The following HSCB variants were observed in gnomAD, a reference collection of about 807,000 sequenced individuals.
HSCB encodes iron-sulfur cluster co-chaperone protein HscB.
In HSCB, 23 loss-of-function variants were observed where a neutral mutation model predicts 31.3. That is an observed-to-expected ratio of 0.74 (90% CI 0.53 to 1.04). The LOEUF (loss-of-function observed/expected upper bound fraction) is 1.04. Among genes scored for constraint, HSCB ranks in the 50% least tolerant of loss-of-function variants. The pLI, the probability that HSCB is intolerant of heterozygous loss-of-function variation, is 0.00. For synonymous variants in HSCB, 110 were observed against 104.5 expected (o/e 1.05, Z -0.32); for missense variants, 297 against 288.1 (o/e 1.03, Z -0.22).
In HSCB at chr22:28,750,945, C is replaced by CTTTTTTTTTTTTTTT. The variant is rs758451182; in HGVS notation, c.569-286_569-272dup. On this transcript the variant is annotated intron_variant, in intron 4 of 5. Transcript: ENST00000216027. ...GGAGATAATCAAAGTATATCTTTGT[C>CTTTTTTTTTTTTTTT]TTTTTTTTTTTTTTTTTTTTTTTTA... Among the ~76,000 whole-genome samples, 64 of 56,448 alleles carry CTTTTTTTTTTTTTTT rather than the reference C, an allele frequency of 1.1e-3. 5 individuals are homozygous for CTTTTTTTTTTTTTTT. Among genetic ancestry groups the CTTTTTTTTTTTTTTT allele is most frequent in the Middle Eastern group, 0.016 (1 of 64 alleles). The allele number at this position is 56,448 out of a possible 152,430, so 37.0% of individuals were successfully genotyped here. A position where few individuals can be genotyped will look rare whatever the true frequency, so the allele number is the denominator to read the frequency against.
intron 1 of HSCB, 80 bp downstream of exon 1, chr22:28,742,411 G>C: frequency 6.4e-7 from 1 of 1,553,802 alleles, no homozygotes; most frequent in Non-Finnish European, 8.7e-7. Flanking sequence ...GGACGGATCT[G>C]GCTGGCGGAA....
At chr22:28,749,764 G>A (rs920968417) in intron 4 of HSCB, among the ~76,000 whole-genome samples, 1 of 152,112 alleles carries the variant, frequency 6.6e-6, no homozygotes, top group African/African-American at 2.4e-5. Context: ...TGCAGTCAGT[G>A]GGCTCAGCTG....
intron 4 of HSCB, among the ~76,000 whole-genome samples, chr22:28,747,888 A>G (rs893879373): frequency 1.3e-5 from 2 of 148,952 alleles, no homozygotes; most frequent in African/African-American, 4.9e-5. Context: ...CCCCCCAAAA[A>G]AATCTGTTCC....
Position 28,742,198 on chromosome 22 carries a change from G to A in HSCB, c.103G>A (p.Gly35Arg), listed in dbSNP as rs2054576753. ...PLSCDAASQA[G>R]SNYPRCWNCG... is the part of the protein sequence containing the mutation. ...AAGCTGCGATGCTGCGTCGCAGGCG[G>A]GAAGCAATTATCCCCGCTGTTGGAA... The change falls in exon 1 of 6, where the codon GGA becomes AGA. Residue 35 changes from glycine to arginine, a missense_variant. Physicochemically the swap from Gly to Arg is moderately radical, Grantham distance 125. Transcript: ENST00000216027. The A allele has an allele frequency of 1.2e-6, 2 of 1,613,808 alleles. No individual in the cohort carries two copies. Among genetic ancestry groups the A allele is most frequent in the South Asian group, 2.2e-5 (2 of 91,046 alleles).
At chr22:28,756,383 G>T (rs117294687) in intron 5 of HSCB, among the ~76,000 whole-genome samples, 20 of 151,934 alleles carry the variant, frequency 1.3e-4, no homozygotes, top group Non-Finnish European at 2.6e-4. Flanking sequence ...TCAGCACCTG[G>T]CATAGAGGAA....
chr22:28,743,324 C>G (rs1774644177), intron 1 of HSCB, among the ~76,000 whole-genome samples: 1 of 152,052 alleles, frequency 6.6e-6, no homozygotes, highest in South Asian at 2.1e-4. Context: ...GATCAGAGAT[C>G]TAGGATGATC....
chr22:28,746,518 C>T (rs988891508), intron 4 of HSCB, among the ~76,000 whole-genome samples: 1 of 151,678 alleles, frequency 6.6e-6, no homozygotes, highest in African/African-American at 2.4e-5. Context: ...TTTGAGAGGC[C>T]GAGGAAGGCA....
chr22:28,751,613 C>T (rs913780775), intron 5 of HSCB, among the ~76,000 whole-genome samples: 40 of 151,958 alleles, frequency 2.6e-4, no homozygotes, highest in African/African-American at 9.2e-4. Context: ...GGTGTGGTGG[C>T]ACAACGCCTG....
At chr22:28,754,099 C>T (rs1312028726) in intron 5 of HSCB, among the ~76,000 whole-genome samples, 1 of 151,726 alleles carries the variant, frequency 6.6e-6, no homozygotes, top group Non-Finnish European at 1.5e-5. Context: ...TGTCACTGCA[C>T]TCCTGACGGC....
intron 5 of HSCB, among the ~76,000 whole-genome samples, chr22:28,751,745 C>CAAA: frequency 9.5e-6 from 1 of 104,814 alleles, no homozygotes; most frequent in Admixed American, 1.0e-4. Context: ...GACTCCATCT[C>CAAA]AAAAAAAAAA....
intron 3 of HSCB, 125 bp downstream of exon 3, chr22:28,744,829 T>A: frequency 2.6e-6 from 2 of 754,966 alleles, no homozygotes; most frequent in South Asian, 3.1e-5. Context: ...ACACCTGTAA[T>A]CCCAGAACTT....
chr22:28,757,300 C>G lies in HSCB; in HGVS notation c.*131C>G. 1.9e-6 allele frequency: 1 copy of G among 520,304 alleles called. No individual in the cohort carries two copies. Among genetic ancestry groups the G allele is most frequent in the Non-Finnish European group, 3.6e-6 (1 of 276,720 alleles). 32.2% of individuals were successfully genotyped at this position (520,304 alleles called of 1,614,324 possible). On this transcript the variant is annotated 3_prime_UTR_variant, in exon 6 of 6. Coordinates refer to ENST00000216027, the MANE Select transcript of HSCB (RefSeq NM_172002.5). ...AGGAGTTCAAGACCAGCTTGGCCAA[C>G]ATAGTGAAACCCCGTCTCTGCTGAA...
At chr22:28,747,434 G>C (rs1180361251) in intron 4 of HSCB, among the ~76,000 whole-genome samples, 1 of 152,050 alleles carries the variant, frequency 6.6e-6, no homozygotes, top group Non-Finnish European at 1.5e-5. Flanking sequence ...TTGGATAGCT[G>C]GGACTACAGG....
chr22:28,749,564 C>G (rs1037259711), intron 4 of HSCB, among the ~76,000 whole-genome samples: 15 of 152,176 alleles, frequency 9.9e-5, no homozygotes, highest in Non-Finnish European at 1.8e-4. Flanking sequence ...CTTTTTGCTT[C>G]CCTCACATCC....
intron 4 of HSCB, among the ~76,000 whole-genome samples, chr22:28,747,005 A>C (rs974017349): frequency 6.6e-6 from 1 of 152,012 alleles, no homozygotes; most frequent in African/African-American, 2.4e-5. Flanking sequence ...CAGAGGTTGC[A>C]GTGAGCTGAG....
intron 4 of HSCB, among the ~76,000 whole-genome samples, chr22:28,750,055 C>T (rs1209954880): frequency 2.6e-5 from 4 of 151,628 alleles, no homozygotes; most frequent in Admixed American, 6.6e-5. Context: ...TTCAAGACCA[C>T]CCTGACCAAC....
chr22:28,754,810 T>G (rs1378541094), intron 5 of HSCB, among the ~76,000 whole-genome samples: 1 of 151,894 alleles, frequency 6.6e-6, no homozygotes, highest in Non-Finnish European at 1.5e-5. Context: ...TTTTTTTTTT[T>G]TTTGAGACTG....
At chr22:28,749,865 C>T (rs1366725076) in intron 4 of HSCB, among the ~76,000 whole-genome samples, 1 of 152,088 alleles carries the variant, frequency 6.6e-6, no homozygotes, top group African/African-American at 2.4e-5. Flanking sequence ...GACTTCATTC[C>T]TCTGAGCCTC....
At position 28,743,820 on chromosome 22, in the gene HSCB, C is replaced by T. The variant is rs894858869; in HGVS notation, c.237-62C>T. 2.2e-6 allele frequency: 3 copies of T among 1,392,906 alleles called. No individual in the cohort carries two copies. In the African/African-American group the frequency reaches 4.3e-5, roughly 20 times the overall value. The allele number at this position is 1,392,906 out of a possible 1,614,324, so 86.3% of individuals were successfully genotyped here. The stretch of plus-strand genomic sequence containing the variant: ...CTTCCCCATAAGAGCAAGAACCAGG[C>T]TCATGGTAGATAAACCTTTAAATAT... On this transcript the variant is annotated intron_variant, in intron 1 of 5. Coordinates refer to ENST00000216027, the MANE Select transcript of HSCB (RefSeq NM_172002.5).
Sources: gnomAD v4.1 joint callset for allele counts (sites outside exome capture counted in the v4.1 genomes callset) on GRCh38, gnomAD v4.1.1 for gene constraint, MANE v1.5 for transcripts, NCBI Gene and HGNC (gene_info 2026-07-23, HGNC 2026-07-21) for gene names.